Variants in PRTG observed in about 807,000 individuals in gnomAD.
The protein encoded by PRTG is protogenin.
In PRTG, 67 loss-of-function variants were observed where a neutral mutation model predicts 122.5. That is an observed-to-expected ratio of 0.55 (90% CI 0.45 to 0.67). The LOEUF (loss-of-function observed/expected upper bound fraction) is 0.67. Ranked by LOEUF, PRTG falls within the 30% of genes least tolerant of loss-of-function variation. The probability of loss-of-function intolerance (pLI) is 0.00; values close to 1 mark genes in which losing one functional copy is unlikely to be tolerated. For synonymous variants in PRTG, 554 were observed against 501.1 expected (o/e 1.11, Z -1.41); for missense variants, 1,435 against 1,415.4 (o/e 1.01, Z -0.22).
intron 18 of PRTG, among the ~76,000 whole-genome samples, chr15:55,621,456 G>A (rs1460093715): frequency 6.6e-6 from 1 of 152,098 alleles, no homozygotes; most frequent in African/African-American, 2.4e-5. Flanking sequence ...AGGAGATCTA[G>A]ACCATCCTGG....
At chr15:55,639,583 T>A in intron 13 of PRTG, 59 bp downstream of exon 13, 2 of 1,455,962 alleles carry the variant, frequency 1.4e-6, no homozygotes, top group Non-Finnish European at 9.5e-7. Context: ...GAGGTAGAAG[T>A]TGGAGTGGGG....
intron 4 of PRTG, among the ~76,000 whole-genome samples, chr15:55,682,035 G>T (rs2059541340): frequency 6.6e-6 from 1 of 152,142 alleles, no homozygotes; most frequent in East Asian, 1.9e-4. Flanking sequence ...AAAGTATACA[G>T]GAGAGTGTGC....
chr15:55,664,183 C>G, intron 11 of PRTG, among the ~76,000 whole-genome samples: 1 of 151,998 alleles, frequency 6.6e-6, no homozygotes, highest in Non-Finnish European at 1.5e-5. Context: ...CACTCGTTGC[C>G]CAGGCTGGGG....
rs201457517 is a variant in PRTG at position 55,617,224 on chromosome 15, A to T, written c.*2788T>A. On this transcript the variant is annotated 3_prime_UTR_variant, in exon 20 of 20. Coordinates refer to ENST00000389286, the MANE Select transcript of PRTG (RefSeq NM_173814.6). ...TGAGACCAAAGTATTTATTTTTGGT[A>T]AAAAAAAAAAATTTTCTCTCCAACA... is the stretch of plus-strand genomic sequence containing the variant. 2.1e-3 allele frequency: 1 copy of T among 474 alleles called. No individual in the cohort carries two copies. Among genetic ancestry groups the T allele is most frequent in the Non-Finnish European group, 0.25 (1 of 4 alleles). The allele number at this position is 474 out of a possible 1,614,324, so 0.0% of individuals were successfully genotyped here. A position where few individuals can be genotyped will look rare whatever the true frequency, so the allele number is the denominator to read the frequency against.
At chr15:55,633,814 GA>G (rs1250817829) in intron 15 of PRTG, among the ~76,000 whole-genome samples, 1 of 151,930 alleles carries the variant, frequency 6.6e-6, no homozygotes, top group African/African-American at 2.4e-5. Context: ...CCTTAGCTAC[GA>G]AAAAAGTTCT....
intron 2 of PRTG, among the ~76,000 whole-genome samples, chr15:55,689,851 C>CCAGGAGG (rs1008496520): frequency 6.6e-5 from 10 of 151,786 alleles, no homozygotes; most frequent in South Asian, 2.1e-4. Flanking sequence ...TGGTGTGAAC[C>CCAGGAGG]CAGGAGGTGG....
At chr15:55,726,010 C>T (rs2031017839) in intron 2 of PRTG, among the ~76,000 whole-genome samples, 1 of 152,154 alleles carries the variant, frequency 6.6e-6, no homozygotes, top group African/African-American at 2.4e-5. Context: ...GTGGCGTGAT[C>T]TCGGCTCACT....
At chr15:55,650,392 G>C (rs906099420) in intron 11 of PRTG, among the ~76,000 whole-genome samples, 5 of 152,180 alleles carry the variant, frequency 3.3e-5, no homozygotes, top group African/African-American at 1.2e-4. Flanking sequence ...CATTTGAGCA[G>C]AACTTGACCC....
At position 55,673,645 on chromosome 15, in the gene PRTG, T is replaced by A. The variant is rs749495386; in HGVS notation, c.1578A>T (p.Thr526=). 6.2e-7 allele frequency: 1 copy of A among 1,614,052 alleles called. No individual in the cohort carries two copies. Among genetic ancestry groups the A allele is most frequent in the Non-Finnish European group, 8.5e-7 (1 of 1,179,924 alleles). ...VPLRPPEISL[T]SRSPTDILIS... The stretch of plus-strand genomic sequence containing the variant: ...TGAGAATATCAGTGGGACTTCGACT[T>A]GTCAAACTAATTTCAGGAGGTCTCA... Residue 526 remains threonine (T), a synonymous_variant, in exon 10 of 20, where the codon ACA becomes ACT. Coordinates refer to ENST00000389286, the MANE Select transcript of PRTG (RefSeq NM_173814.6).
intron 15 of PRTG, among the ~76,000 whole-genome samples, chr15:55,634,316 G>A (rs2059244491): frequency 6.6e-6 from 1 of 151,796 alleles, no homozygotes; most frequent in African/African-American, 2.4e-5. Context: ...GGATCCACCT[G>A]CCTCAGCCTC....
chr15:55,650,575 C>A (rs2059348047), intron 11 of PRTG, among the ~76,000 whole-genome samples: 1 of 152,086 alleles, frequency 6.6e-6, no homozygotes, highest in Non-Finnish European at 1.5e-5. Flanking sequence ...GGGGACAGAT[C>A]ACACAGAGCT....
At chr15:55,685,165 TGAA>T (rs2059563254) in intron 2 of PRTG, among the ~76,000 whole-genome samples, 1 of 152,166 alleles carries the variant, frequency 6.6e-6, no homozygotes, top group African/African-American at 2.4e-5. Flanking sequence ...TGAGAAGTTA[TGAA>T]GAAGAATAGA....
intron 2 of PRTG, among the ~76,000 whole-genome samples, chr15:55,729,591 AAAAATAAAAT>A (rs1327999268): frequency 2.0e-5 from 3 of 151,796 alleles, no homozygotes; most frequent in Admixed American, 6.6e-5. Flanking sequence ...TGCGGGGAAA[AAAAATAAAAT>A]AAAATAAAAT....
intron 2 of PRTG, among the ~76,000 whole-genome samples, chr15:55,731,496 G>A (rs529235691): frequency 6.7e-5 from 10 of 148,780 alleles, no homozygotes; most frequent in African/African-American, 1.7e-4. Flanking sequence ...TCAGCCTCCC[G>A]AGTAGCTGGG....
chr15:55,730,819 T>C (rs1464237143), intron 2 of PRTG, among the ~76,000 whole-genome samples: 3 of 152,114 alleles, frequency 2.0e-5, no homozygotes, highest in African/African-American at 7.2e-5. Flanking sequence ...AAGTCACGAC[T>C]ATAATAACAA....
intron 2 of PRTG, among the ~76,000 whole-genome samples, chr15:55,708,952 C>G (rs1279495539): frequency 6.6e-6 from 1 of 151,824 alleles, no homozygotes; most frequent in Non-Finnish European, 1.5e-5. Flanking sequence ...CAAGGCCAGC[C>G]TGGTCAACAT....
At chr15:55,705,556 C>T (rs151047948) in intron 2 of PRTG, among the ~76,000 whole-genome samples, 715 of 152,198 alleles carry the variant, frequency 4.7e-3, no homozygotes, top group African/African-American at 0.016. Context: ...CAGGTTCAAG[C>T]GATTCTCCTG....
At chr15:55,699,508 T>C (rs1039328195) in intron 2 of PRTG, among the ~76,000 whole-genome samples, 3 of 152,216 alleles carry the variant, frequency 2.0e-5, no homozygotes, top group Non-Finnish European at 4.4e-5. Context: ...ATTTGCTTAA[T>C]GGGAAATGAA....
intron 2 of PRTG, among the ~76,000 whole-genome samples, chr15:55,734,214 C>T (rs8037136): frequency 0.14 from 20,832 of 152,120 alleles, 1,845 homozygotes; most frequent in East Asian, 0.35. Context: ...CAGAAATATC[C>T]TTTTTCTTTT....
Sources: gnomAD v4.1 joint callset for allele counts (sites outside exome capture counted in the v4.1 genomes callset) on GRCh38, gnomAD v4.1.1 for gene constraint, MANE v1.5 for transcripts, NCBI Gene and HGNC (gene_info 2026-07-23, HGNC 2026-07-21) for gene names.